The following STK10 variants were observed in gnomAD, a reference collection of about 807,000 sequenced individuals.
The protein encoded by STK10 is serine/threonine kinase 10.
A neutral mutation model predicts 113.8 loss-of-function variants in STK10; 78 were observed. The observed-to-expected ratio is 0.69, with a 90% CI of 0.57 to 0.83. The LOEUF is 0.83. Ranked by LOEUF, STK10 falls within the 40% of genes least tolerant of loss-of-function variation. STK10 has a pLI of 0.00. For missense variants in STK10, 1,109 were observed against 1,280.1 expected (o/e 0.87, Z 2.04); for synonymous variants, 465 against 494.7 (o/e 0.94, Z 0.80).
At chr5:172,084,402 AAATAATAATAAT>A (rs60087344) in intron 10 of STK10, among the ~76,000 whole-genome samples, 1 of 149,154 alleles carries the variant, frequency 6.7e-6, no homozygotes, top group Non-Finnish European at 1.5e-5. Context: ...TTCTGTCTCA[AAATAATAATAAT>A]AATAATAATA....
At chr5:172,117,006 C>T (rs1374256855) in intron 4 of STK10, among the ~76,000 whole-genome samples, 1 of 149,352 alleles carries the variant, frequency 6.7e-6, no homozygotes. Context: ...TGGCCAGGCA[C>T]AGTGGTGCAC....
At position 172,082,274 on chromosome 5, in the gene STK10, G is replaced by C; in HGVS notation, c.1989+52C>G. 7.0e-7 allele frequency: 1 copy of C among 1,438,002 alleles called. No individual in the cohort carries two copies. The highest frequency in any genetic ancestry group is 9.2e-7 in the Non-Finnish European group (1 of 1,091,792). The allele number at this position is 1,438,002 out of a possible 1,614,324, so 89.1% of individuals were successfully genotyped here. A position where few individuals can be genotyped will look rare whatever the true frequency, so the allele number is the denominator to read the frequency against. On this transcript the variant is annotated intron_variant, in intron 12 of 18. Coordinates refer to ENST00000176763, the MANE Select transcript of STK10 (RefSeq NM_005990.4). This position sits in a 1 kb window ranked among gnomAD's most constrained non-coding sequence, Gnocchi z 4.3. ...TGAGGCCACGATCACTTGCAACCAA[G>C]AAGGCCCCTAATACTCCGAGATGCC...
intron 13 of STK10, among the ~76,000 whole-genome samples, chr5:172,062,499 CGTGTCCGTCGATAGATAAATGGATAA>C: frequency 6.6e-6 from 1 of 151,450 alleles, no homozygotes; most frequent in African/African-American, 2.4e-5. Flanking sequence ...AAACAGCCCA[CGTGTCCGTCGATAGATAAATGGATAA>C]ATCATGTGTT....
At chr5:172,056,624 T>C (rs563514198) in intron 15 of STK10, among the ~76,000 whole-genome samples, 2 of 152,032 alleles carry the variant, frequency 1.3e-5, no homozygotes, top group African/African-American at 4.8e-5. Flanking sequence ...TCCTGGCACT[T>C]TGGGAGGCCA....
intron 18 of STK10, 24 bp downstream of exon 18, chr5:172,052,905 G>A: frequency 6.2e-7 from 1 of 1,611,258 alleles, no homozygotes; most frequent in Non-Finnish European, 8.5e-7. Context: ...CCGAGACTGA[G>A]CCCACCAGCT....
At chr5:172,122,623 A>ATTTGT (rs1203172632) in intron 3 of STK10, among the ~76,000 whole-genome samples, 1 of 151,844 alleles carries the variant, frequency 6.6e-6, no homozygotes, top group Non-Finnish European at 1.5e-5. Context: ...ATGTTTGTTT[A>ATTTGT]TTTGTTTTGT....
At chr5:172,130,413 C>G (rs534490743) in intron 2 of STK10, among the ~76,000 whole-genome samples, 1 of 152,174 alleles carries the variant, frequency 6.6e-6, no homozygotes, top group African/African-American at 2.4e-5. Flanking sequence ...CACCTGTAAT[C>G]CCAGCTACTT....
intron 2 of STK10, among the ~76,000 whole-genome samples, chr5:172,154,689 A>G (rs866867467): frequency 3.3e-5 from 5 of 152,238 alleles, no homozygotes; most frequent in Admixed American, 6.5e-5. Context: ...GGAAAAGTCT[A>G]GCGTATTTAT....
Position 172,094,043 on chromosome 5 carries a change from G to C in STK10, c.1006-83C>G, listed in dbSNP as rs919211054. On this transcript the variant is annotated intron_variant, in intron 8 of 18. Transcript: ENST00000176763. Reference sequence around the variant, plus strand: ...GTCAGAGATGCAGTGGAGAAAGTCAGACACCCTCAAGATGAAGTGGGCCAG... The same window carrying C: ...GTCAGAGATGCAGTGGAGAAAGTCACACACCCTCAAGATGAAGTGGGCCAG... 5.3e-6 allele frequency: 6 copies of C among 1,132,742 alleles called. No individual in the cohort carries two copies. The African/African-American group carries it at 9.6e-5, about 18-fold the overall frequency. 70.2% of individuals were successfully genotyped at this position (1,132,742 alleles called of 1,614,324 possible). A position where few individuals can be genotyped will look rare whatever the true frequency, so the allele number is the denominator to read the frequency against.
rs1172468356 is a variant in STK10 at position 172,082,395 on chromosome 5, C to A, written c.1920G>T (p.Arg640Ser). The change falls in exon 12 of 19, where the codon AGG becomes AGT. Residue 640 changes from arginine (R) to serine (S), a missense_variant. Arg to Ser is a moderately radical substitution (Grantham distance 110, BLOSUM62 -1). Coordinates refer to ENST00000176763, the MANE Select transcript of STK10 (RefSeq NM_005990.4). This position sits in a 1 kb window ranked among gnomAD's most constrained non-coding sequence, Gnocchi z 4.3. ...CCCGATCCTGCTCCAGGCGGATCCG[C>A]CTGGCCTCCTCCCGGCGGCGCACGG... ...DHAVRRREEA[R>S]RIRLEQDRDY... The A allele has an allele frequency of 6.2e-7, 1 of 1,609,652 alleles. No individual in the cohort carries two copies. Among genetic ancestry groups the A allele is most frequent in the Non-Finnish European group, 8.5e-7 (1 of 1,178,180 alleles).
intron 2 of STK10, among the ~76,000 whole-genome samples, chr5:172,137,029 C>T (rs972774136): frequency 2.0e-5 from 3 of 151,356 alleles, no homozygotes; most frequent in Non-Finnish European, 2.9e-5. Flanking sequence ...CCAGTGTCCA[C>T]GTGTTCTCAC....
rs376854185 is a variant in STK10, at chr5:172,117,649, G to A, written c.371-19C>T. 4.7e-5 allele frequency: 76 copies of A among 1,613,672 alleles called. No homozygotes were observed. In the African/African-American group the frequency reaches 6.3e-4, roughly 13 times the overall value. ...TCCAGCTCTGGAAATGGAGGAGAAC[G>A]GCTGTCAATTCAGTAAGCCCTGGAC... On this transcript the variant is annotated intron_variant, in intron 3 of 18. Transcript: ENST00000176763.
At chr5:172,096,917 G>A (rs1233932936) in intron 7 of STK10, among the ~76,000 whole-genome samples, 4 of 152,252 alleles carry the variant, frequency 2.6e-5, no homozygotes, top group African/African-American at 9.6e-5. Flanking sequence ...GGCTCAAGCC[G>A]TGTTTGCAAG....
chr5:172,172,504 C>CA (rs1401392444), intron 1 of STK10, among the ~76,000 whole-genome samples: 1 of 152,246 alleles, frequency 6.6e-6, no homozygotes, highest in Non-Finnish European at 1.5e-5. Context: ...GTGTCCTTGG[C>CA]ACTGGCCTCA....
intron 4 of STK10, chr5:172,115,169 C>G (rs1769350466): frequency 6.6e-6 from 1 of 152,534 alleles, no homozygotes; most frequent in African/African-American, 2.4e-5. Context: ...TGACCCCACC[C>G]TCCGTGCCAG....
chr5:172,056,273 A>G (rs574772495), intron 15 of STK10, among the ~76,000 whole-genome samples: 5 of 152,272 alleles, frequency 3.3e-5, no homozygotes, highest in African/African-American at 1.2e-4. Context: ...GACTTCCATC[A>G]CTGCATTTAG....
chr5:172,110,267 G>A (rs539629616), intron 4 of STK10, among the ~76,000 whole-genome samples: 10 of 152,334 alleles, frequency 6.6e-5, no homozygotes, highest in East Asian at 1.9e-4. Context: ...GTGTGACCTC[G>A]AGGGGACGGT....
rs1769646160 is a variant in STK10, at chr5:172,127,412, C to T, written c.331G>A (p.Glu111Lys). ...YHDGKLWIMIEFCPGGAVDAI... is the reference protein window; with the variant it reads ...YHDGKLWIMIKFCPGGAVDAI... ...TCCACGGCTCCCCCTGGACAGAACT[C>T]AATCATGATCTGCAGAAAACACAGG... Residue 111 changes from glutamate to lysine, a missense_variant, in exon 3 of 19, where the codon GAG becomes AAG. By Grantham distance (56) the Glu-to-Lys change is moderately conservative. This residue lies in a region of STK10 where 120 missense variants were observed against 134.8 expected (regional missense o/e 0.89). Coordinates refer to ENST00000176763, the MANE Select transcript of STK10 (RefSeq NM_005990.4). The T allele has an allele frequency of 6.2e-7, 1 of 1,613,802 alleles. No individual in the cohort carries two copies.
chr5:172,137,891 CAA>C (rs34136706), intron 2 of STK10, among the ~76,000 whole-genome samples: 21 of 78,470 alleles, frequency 2.7e-4, no homozygotes, highest in East Asian at 1.3e-3. Context: ...GACTCTGTCT[CAA>C]AAAAAAAAAA....
Sources: allele counts gnomAD v4.1 joint callset (sites outside exome capture counted in the v4.1 genomes callset), GRCh38; gene constraint gnomAD v4.1.1; regional missense constraint gnomAD v4.1.1; non-coding constraint Gnocchi (gnomAD v3.1); transcripts MANE v1.5; gene names NCBI Gene and HGNC (gene_info 2026-07-23, HGNC 2026-07-21).